The following ALK variants were observed in gnomAD, a reference collection of about 807,000 sequenced individuals.
ALK encodes the protein ALK tyrosine kinase receptor.
In ALK, 74 loss-of-function variants were observed where a neutral mutation model predicts 163.1. That is an observed-to-expected ratio of 0.45 (90% confidence interval 0.38 to 0.55). The LOEUF (loss-of-function observed/expected upper bound fraction) is 0.55, where lower values mean the gene tolerates loss of function less well. Among genes scored for constraint, ALK ranks in the 20% least tolerant of loss-of-function variants. The pLI, the probability that ALK is intolerant of heterozygous loss-of-function variation, is 0.00. For synonymous variants in ALK, 960 were observed against 843.2 expected, an observed-to-expected ratio of 1.14 and a Z score of -2.40; for missense variants, 2,063 against 2,105.3, an observed-to-expected ratio of 0.98 and a Z score of 0.39.
At chr2:29,350,194 T>C (rs17728180) in intron 5 of ALK, among the ~76,000 whole-genome samples, 11,027 of 152,308 alleles carry the variant, frequency 0.072, 525 homozygotes, top group Non-Finnish European at 0.11. Flanking sequence ...TCCTGATACA[T>C]AACTCCAGAG....
rs544769821 is a variant in ALK at position 29,632,857 on chromosome 2, T to C, written c.952+61993A>G. On this transcript the variant is annotated intron_variant, in intron 3 of 28. Transcript: ENST00000389048. ...AGAAAGATGCAAAAGCAGAACCCCC[T>C]GATAAAACCATCAGATCTCATGAGA... Among the ~76,000 whole-genome samples, 27 of 152,272 alleles carry C rather than the reference T, an allele frequency of 1.8e-4. No individual in the cohort carries two copies. The South Asian group carries it at 5.2e-3, about 29-fold the overall frequency.
At chr2:29,342,740 C>T (rs961987135) in intron 5 of ALK, among the ~76,000 whole-genome samples, 9 of 152,116 alleles carry the variant, frequency 5.9e-5, no homozygotes, top group Non-Finnish European at 1.3e-4. Flanking sequence ...TCTTCTCTTT[C>T]TTCTTTTAAA....
At chr2:29,841,641 G>C (rs1665703404) in intron 1 of ALK, among the ~76,000 whole-genome samples, 1 of 152,170 alleles carries the variant, frequency 6.6e-6, no homozygotes, top group Admixed American at 6.5e-5. Flanking sequence ...GTGAGTCCTG[G>C]GGAGTTACAA....
At chr2:29,635,854 C>T (rs1676508573) in intron 3 of ALK, among the ~76,000 whole-genome samples, 4 of 151,822 alleles carry the variant, frequency 2.6e-5, no homozygotes. Flanking sequence ...TGGTCACGAA[C>T]TCCTGACCTC....
At chr2:29,776,225 TAAAAAAAAA>T (rs58918857) in intron 1 of ALK, among the ~76,000 whole-genome samples, 76,319 of 131,398 alleles carry the variant, frequency 0.58, 24,998 homozygotes, top group Non-Finnish European at 0.75. Flanking sequence ...GGAATTTTGT[TAAAAAAAAA>T]AAAAAAAAAA....
intron 4 of ALK, among the ~76,000 whole-genome samples, chr2:29,420,402 T>C (rs565813613): frequency 6.6e-6 from 1 of 151,540 alleles, no homozygotes; most frequent in African/African-American, 2.4e-5. Context: ...CCTTGAGGCA[T>C]CAGTTTCATG....
intron 4 of ALK, among the ~76,000 whole-genome samples, chr2:29,492,524 T>TGGATAGTG: frequency 6.6e-6 from 1 of 152,302 alleles, no homozygotes; most frequent in Non-Finnish European, 1.5e-5. Flanking sequence ...CACTGGACCC[T>TGGATAGTG]ATTCAGTGCT....
At chr2:29,697,507 C>A (rs1678605472) in intron 2 of ALK, among the ~76,000 whole-genome samples, 1 of 152,136 alleles carries the variant, frequency 6.6e-6, no homozygotes, top group African/African-American at 2.4e-5. Context: ...TGTCCACTCC[C>A]CAAAGTGGCT....
At chr2:29,438,999 T>C (rs893853325) in intron 4 of ALK, among the ~76,000 whole-genome samples, 1 of 152,244 alleles carries the variant, frequency 6.6e-6, no homozygotes, top group African/African-American at 2.4e-5. Context: ...AGCCAGAATC[T>C]GACTCCTCTG....
chr2:29,538,538 C>T (rs965724505), intron 3 of ALK, among the ~76,000 whole-genome samples: 1 of 152,178 alleles, frequency 6.6e-6, no homozygotes. Flanking sequence ...GCTTCCAGTA[C>T]AGCCTGCAGA....
chr2:29,609,407 CT>C (rs1416850468), intron 3 of ALK, among the ~76,000 whole-genome samples: 11 of 152,108 alleles, frequency 7.2e-5, no homozygotes, highest in Admixed American at 7.2e-4. Context: ...TGTGACAACT[CT>C]ACCCAATCCT....
At chr2:29,859,438 T>G (rs1318007747) in intron 1 of ALK, among the ~76,000 whole-genome samples, 2 of 152,196 alleles carry the variant, frequency 1.3e-5, no homozygotes, top group Non-Finnish European at 2.9e-5. Flanking sequence ...GAACAAACCA[T>G]GCTCAAGAAC....
intron 21 of ALK, 44 bp downstream of exon 21, chr2:29,222,473 A>C: frequency 6.2e-7 from 1 of 1,613,390 alleles, no homozygotes; most frequent in Non-Finnish European, 8.5e-7. Context: ...CAGCCTACAG[A>C]GTCCGCAAGC....
chr2:29,491,717 G>A (rs1182354711), intron 4 of ALK, among the ~76,000 whole-genome samples: 2 of 152,156 alleles, frequency 1.3e-5, no homozygotes, highest in Non-Finnish European at 1.5e-5. Flanking sequence ...TTCACTTAAC[G>A]TGTGTCCTTC....
chr2:29,239,383 A>G (rs1664462753), intron 13 of ALK, among the ~76,000 whole-genome samples: 1 of 152,080 alleles, frequency 6.6e-6, no homozygotes, highest in Non-Finnish European at 1.5e-5. Context: ...CCCAAGCAAA[A>G]GCTGTGCTTC....
intron 4 of ALK, among the ~76,000 whole-genome samples, chr2:29,452,978 A>T (rs1331628762): frequency 1.3e-5 from 2 of 152,236 alleles, no homozygotes; most frequent in South Asian, 4.1e-4. Context: ...TGGGAGGAAA[A>T]TAAGCAGATA....
intron 4 of ALK, among the ~76,000 whole-genome samples, chr2:29,516,188 C>T (rs553843657): frequency 1.3e-5 from 2 of 152,246 alleles, no homozygotes; most frequent in South Asian, 2.1e-4. Context: ...GGTTCATTAC[C>T]CAATTTTACC....
intron 1 of ALK, among the ~76,000 whole-genome samples, chr2:29,895,953 T>G (rs569058576): frequency 1.3e-5 from 2 of 152,324 alleles, no homozygotes; most frequent in East Asian, 3.9e-4. Context: ...AACCTGTGTT[T>G]GATGCCAGAA....
chr2:29,825,195 A>G (rs558852416), intron 1 of ALK, among the ~76,000 whole-genome samples: 3 of 152,262 alleles, frequency 2.0e-5, no homozygotes, highest in Admixed American at 1.3e-4. Context: ...CGTCCATTAA[A>G]CTTCTTTGTT....
Sources: allele counts gnomAD v4.1 joint callset (sites outside exome capture counted in the v4.1 genomes callset), GRCh38; gene constraint gnomAD v4.1.1; transcripts MANE v1.5; gene names NCBI Gene and HGNC (gene_info 2026-07-23, HGNC 2026-07-21).